The following GIT2 variants were observed in gnomAD, a reference collection of about 807,000 sequenced individuals.
GIT2 encodes GIT ArfGAP 2.
A neutral mutation model predicts 100.3 loss-of-function variants in GIT2; 32 were observed. The ratio of observed to expected loss-of-function variants is 0.32; its 90% CI spans 0.24 to 0.43. The LOEUF (loss-of-function observed/expected upper bound fraction) is 0.43, where lower values mean the gene tolerates loss of function less well. Among genes scored for constraint, GIT2 ranks in the 20% least tolerant of loss-of-function variants. GIT2 has a pLI of 1.00. For missense variants in GIT2, 737 were observed against 975.1 expected, an observed-to-expected ratio of 0.76 and a Z score of 3.25; for synonymous variants, 353 against 364.1, an observed-to-expected ratio of 0.97 and a Z score of 0.35.
Position 109,939,209 on chromosome 12 carries a change from A to G in GIT2, c.1770T>C (p.Ser590=). 1 of 1,611,236 alleles carries G rather than the reference A, an allele frequency of 6.2e-7. No homozygotes were observed. Among genetic ancestry groups the G allele is most frequent in the Non-Finnish European group, 8.5e-7 (1 of 1,177,718 alleles). The part of the protein sequence containing the change: ...RLEKQNSTPE[S]DYDNTPNDME... ...TGTCGTTGGGAGTGTTGTCGTAGTCACTCTCAGGTGTGCTGTTCTGCTTCT... is the reference window on the plus strand; with the variant it reads ...TGTCGTTGGGAGTGTTGTCGTAGTCGCTCTCAGGTGTGCTGTTCTGCTTCT... Residue 590 remains serine, a synonymous_variant, in exon 17 of 20, where the codon AGT becomes AGC. Transcript: ENST00000355312.
chr12:109,949,294 A>G (rs1877203006), intron 14 of GIT2, among the ~76,000 whole-genome samples: 2 of 152,248 alleles, frequency 1.3e-5, no homozygotes, highest in Admixed American at 6.5e-5. Context: ...TGTAACTGAC[A>G]CAGGTCCCTC....
intron 9 of GIT2, among the ~76,000 whole-genome samples, chr12:109,961,943 C>T (rs1173592437): frequency 1.3e-5 from 2 of 152,174 alleles, no homozygotes; most frequent in Non-Finnish European, 2.9e-5. Flanking sequence ...ATCTAAAGTG[C>T]ATCATCTCAG....
rs1881431216 is a variant in GIT2, at chr12:109,962,931, G to C, written c.817-1246C>G. ...GCAGGAAGATCACTCACTTGAGCCTGGGAGTTCAAGGCTGCAGTGAGCCAC... is the reference window on the plus strand; with the variant it reads ...GCAGGAAGATCACTCACTTGAGCCTCGGAGTTCAAGGCTGCAGTGAGCCAC... On this transcript the variant is annotated intron_variant, in intron 9 of 19. Transcript: ENST00000355312. This position sits in a 1 kb window ranked among gnomAD's most constrained non-coding sequence, Gnocchi z 4.3. Among the ~76,000 whole-genome samples, 1 of 152,078 alleles carries C rather than the reference G, an allele frequency of 6.6e-6. No homozygotes were observed. The highest frequency in any genetic ancestry group is 6.6e-5 in the Admixed American group (1 of 15,258).
chr12:109,975,609 A>T (rs79259567), intron 7 of GIT2, among the ~76,000 whole-genome samples: 2 of 151,972 alleles, frequency 1.3e-5, no homozygotes, highest in African/African-American at 4.8e-5. Flanking sequence ...TACGGACTTA[A>T]GTCTATAATG....
At position 109,953,023 on chromosome 12, in the gene GIT2, A is replaced by G. The variant is rs1396562299; in HGVS notation, c.1242+69T>C. 2.0e-6 allele frequency: 3 copies of G among 1,510,816 alleles called. No individual in the cohort carries two copies. The East Asian group carries it at 6.8e-5, about 34-fold the overall frequency. 93.6% of individuals were successfully genotyped at this position (1,510,816 alleles called of 1,614,324 possible). A position where few individuals can be genotyped will look rare whatever the true frequency, so the allele number is the denominator to read the frequency against. On this transcript the variant is annotated intron_variant, in intron 13 of 19. Transcript: ENST00000355312. Reference sequence around the variant, plus strand: ...AGTAACAAACCCAACCTCACTGCACAGCAGCTTTGGCAGGGCTAGCCCTCA... The same window carrying G: ...AGTAACAAACCCAACCTCACTGCACGGCAGCTTTGGCAGGGCTAGCCCTCA...
chr12:109,961,983 T>C (rs1374801470), intron 9 of GIT2, among the ~76,000 whole-genome samples: 2 of 152,186 alleles, frequency 1.3e-5, no homozygotes, highest in African/African-American at 2.4e-5. Context: ...ACTCTTCTTG[T>C]GATATCATCC....
chr12:109,968,953 G>A (rs1883164779), intron 7 of GIT2, among the ~76,000 whole-genome samples: 1 of 150,992 alleles, frequency 6.6e-6, no homozygotes, highest in Admixed American at 6.6e-5. Context: ...CAAACTCCTG[G>A]GCTCAGGTAA....
At chr12:109,938,816 G>A (rs528275655) in intron 17 of GIT2, 4 of 517,212 alleles carry the variant, frequency 7.7e-6, no homozygotes, top group Admixed American at 7.4e-5. Context: ...TACCTGGAGC[G>A]GGGAGGGTGT....
At chr12:109,956,427 G>A (rs1375546599) in intron 12 of GIT2, among the ~76,000 whole-genome samples, 2 of 152,184 alleles carry the variant, frequency 1.3e-5, no homozygotes, top group African/African-American at 2.4e-5. Flanking sequence ...TTTATAGCAT[G>A]AGTGCAGAAA....
At chr12:109,935,163 G>A (rs1343253971) in intron 18 of GIT2, among the ~76,000 whole-genome samples, 1 of 151,802 alleles carries the variant, frequency 6.6e-6, no homozygotes, top group African/African-American at 2.4e-5. Flanking sequence ...TGCCTTCATT[G>A]GAAATCCTGA....
rs761903161 is a variant in GIT2 at position 109,983,644 on chromosome 12, C to T, written c.456G>A (p.Leu152=). ...RTGNLETCLR[L]LSLGAQANFF... ...AGTTGGCTTGTGCTCCTAAAGATAACAGTCTCAAACAGGTTTCAAGATTCC... is the reference window on the plus strand; with the variant it reads ...AGTTGGCTTGTGCTCCTAAAGATAATAGTCTCAAACAGGTTTCAAGATTCC... Residue 152 remains leucine (L), a synonymous_variant, in exon 5 of 20, where the codon CTG becomes CTA. Transcript: ENST00000355312. 2.2e-5 allele frequency: 36 copies of T among 1,613,128 alleles called. No homozygotes were observed. The highest frequency in any genetic ancestry group is 3.0e-5 in the Non-Finnish European group (35 of 1,179,274).
rs2136245415 is a variant in GIT2 at position 109,948,610 on chromosome 12, GT to G, written c.1393-1107del. ...ATGGACATTCTATAAGCTGGGTGTG[GT>G]GTGAGTTCAGCTGTCTACTCTTTGA... is the stretch of plus-strand genomic sequence containing the variant. On this transcript the variant is annotated intron_variant, in intron 14 of 19. Transcript: ENST00000355312. This position sits in a 1 kb window ranked among gnomAD's most constrained non-coding sequence, Gnocchi z 4.3. 1 of 1,410,062 alleles carries G rather than the reference GT, an allele frequency of 7.1e-7. No individual in the cohort carries two copies. Among genetic ancestry groups the G allele is most frequent in the African/African-American group, 1.5e-5 (1 of 68,808 alleles). 87.3% of individuals were successfully genotyped at this position (1,410,062 alleles called of 1,614,324 possible).
chr12:109,998,703 G>A (rs1476450913), upstream of GIT2: 2 of 152,312 alleles, frequency 1.3e-5, no homozygotes, highest in Non-Finnish European at 2.9e-5. Context: ...CACCACCATA[G>A]TTAGCTATTG....
At chr12:109,987,435 C>T (rs537368450) in intron 4 of GIT2, among the ~76,000 whole-genome samples, 54 of 151,768 alleles carry the variant, frequency 3.6e-4, no homozygotes, top group African/African-American at 1.3e-3. Flanking sequence ...GAAGCAAAAG[C>T]AAAAACCACA....
chr12:109,952,498 G>A (rs186604853), intron 13 of GIT2: 22 of 518,838 alleles, frequency 4.2e-5, no homozygotes, highest in Admixed American at 1.2e-4. Flanking sequence ...ACTCTCTTCC[G>A]TCGGGTGTCA....
intron 15 of GIT2, among the ~76,000 whole-genome samples, chr12:109,946,162 G>T (rs1876303926): frequency 6.6e-6 from 1 of 152,060 alleles, no homozygotes; most frequent in Non-Finnish European, 1.5e-5. Context: ...ACTTAGTTCA[G>T]TGGCATTCCC....
intron 16 of GIT2, among the ~76,000 whole-genome samples, chr12:109,943,445 G>C (rs1034328759): frequency 6.6e-6 from 1 of 151,452 alleles, no homozygotes; most frequent in African/African-American, 2.4e-5. Context: ...CTTGATTCTC[G>C]TGCCTCAGCC....
chr12:109,980,373 C>T (rs1886068642), intron 7 of GIT2, among the ~76,000 whole-genome samples: 1 of 151,862 alleles, frequency 6.6e-6, no homozygotes. Flanking sequence ...CCGGCAGAAG[C>T]TTTATTTATT....
At chr12:109,983,997 G>A (rs552066319) in intron 4 of GIT2, among the ~76,000 whole-genome samples, 2 of 152,220 alleles carry the variant, frequency 1.3e-5, no homozygotes, top group South Asian at 2.1e-4. Context: ...TGTGTGAAGA[G>A]GTGACTATGC....
Sources: gnomAD v4.1 joint callset for allele counts (sites outside exome capture counted in the v4.1 genomes callset) on GRCh38, gnomAD v4.1.1 for gene constraint, Gnocchi (gnomAD v3.1) non-coding constraint, MANE v1.5 for transcripts, NCBI Gene and HGNC (gene_info 2026-07-23, HGNC 2026-07-21) for gene names.